CSMD3: variants seen among roughly 807,000 people sequenced by gnomAD.
The protein encoded by CSMD3 is CUB and sushi domain-containing protein 3.
Under a neutral mutation model 435.2 loss-of-function variants are expected in CSMD3, and 177 were observed. The observed-to-expected ratio is 0.41, with a 90% CI of 0.36 to 0.46. CSMD3 has a LOEUF of 0.46. CSMD3 is among the 20% of genes least tolerant of loss of function. CSMD3 has a pLI of 0.34. For synonymous variants in CSMD3, 1,656 were observed against 1,520.5 expected, an observed-to-expected ratio of 1.09 and a Z score of -2.07; for missense variants, 4,265 against 4,504.6, an observed-to-expected ratio of 0.95 and a Z score of 1.52.
At chr8:112,472,536 G>A (rs200638563) in intron 32 of CSMD3, 55 bp downstream of exon 32, 9 of 964,072 alleles carry the variant, frequency 9.3e-6, no homozygotes, top group Admixed American at 3.4e-5. Flanking sequence ...AGCATGTAGT[G>A]AAAAATAAAG....
At chr8:112,807,319 T>G (rs543780301) in intron 12 of CSMD3, among the ~76,000 whole-genome samples, 1 of 152,158 alleles carries the variant, frequency 6.6e-6, no homozygotes. Flanking sequence ...GCAATGACAA[T>G]TTAATAATAT....
At chr8:112,891,453 C>G (rs1424924365) in intron 10 of CSMD3, among the ~76,000 whole-genome samples, 1 of 151,534 alleles carries the variant, frequency 6.6e-6, no homozygotes, top group African/African-American at 2.4e-5. Context: ...ATGAGAAATA[C>G]TTTAACTGGG....
chr8:113,147,219 T>C (rs2091696637), intron 4 of CSMD3, among the ~76,000 whole-genome samples: 1 of 151,730 alleles, frequency 6.6e-6, no homozygotes, highest in Non-Finnish European at 1.5e-5. Flanking sequence ...GGTTGTTAGC[T>C]ATTTTTTTAT....
At chr8:112,600,499 T>C (rs907832243) in intron 22 of CSMD3, among the ~76,000 whole-genome samples, 1 of 152,190 alleles carries the variant, frequency 6.6e-6, no homozygotes, top group Non-Finnish European at 1.5e-5. Context: ...TGTTTCTATA[T>C]AAATATTCCT....
At chr8:112,576,006 C>G (rs1249677254) in intron 23 of CSMD3, among the ~76,000 whole-genome samples, 1 of 152,018 alleles carries the variant, frequency 6.6e-6, no homozygotes, top group Non-Finnish European at 1.5e-5. Flanking sequence ...TTCCCCTTAA[C>G]TTCTCACCAA....
chr8:113,354,163 G>C (rs1237029729), intron 1 of CSMD3, among the ~76,000 whole-genome samples: 2 of 152,142 alleles, frequency 1.3e-5, no homozygotes, highest in Non-Finnish European at 2.9e-5. Context: ...GTCAAAGAGA[G>C]AGAAAGTGTG....
At chr8:112,366,621 C>T (rs1369542734) in intron 38 of CSMD3, among the ~76,000 whole-genome samples, 2 of 152,174 alleles carry the variant, frequency 1.3e-5, no homozygotes, top group Non-Finnish European at 2.9e-5. Context: ...TCGTCTCAAC[C>T]TCCTGACCTC....
intron 35 of CSMD3, among the ~76,000 whole-genome samples, chr8:112,398,224 C>G (rs1831017040): frequency 2.0e-5 from 3 of 152,166 alleles, no homozygotes; most frequent in African/African-American, 7.2e-5. Flanking sequence ...CTCCTAGACT[C>G]ACAGGTTGGA....
intron 35 of CSMD3, among the ~76,000 whole-genome samples, chr8:112,401,788 A>T (rs1247334560): frequency 6.6e-6 from 1 of 152,210 alleles, no homozygotes; most frequent in East Asian, 1.9e-4. Flanking sequence ...AATAGAAGTC[A>T]AACATTCAAG....
intron 4 of CSMD3, among the ~76,000 whole-genome samples, chr8:113,110,821 C>T (rs572943984): frequency 6.6e-6 from 1 of 152,258 alleles, no homozygotes; most frequent in East Asian, 1.9e-4. Context: ...CTGTTTTAGT[C>T]TATTCAAGCT....
intron 10 of CSMD3, among the ~76,000 whole-genome samples, chr8:112,917,742 G>T (rs1447630174): frequency 6.6e-6 from 1 of 151,884 alleles, no homozygotes; most frequent in African/African-American, 2.4e-5. Flanking sequence ...GTGACAATGG[G>T]AATGGAAGTT....
rs1268002637 is a variant in CSMD3, at chr8:113,103,691, CTA to C, written c.710-4730_710-4729del. On this transcript the variant is annotated intron_variant, in intron 4 of 70. Coordinates refer to ENST00000297405, the MANE Select transcript of CSMD3 (RefSeq NM_198123.2). The stretch of plus-strand genomic sequence containing the variant: ...TTGTTTAAAATATTATAATATAAAT[CTA>C]TCATCAAATAACACCATTTATTATA... Among the ~76,000 whole-genome samples, 7 of 151,958 alleles carry C rather than the reference CTA, an allele frequency of 4.6e-5. No homozygotes were observed. The Middle Eastern group carries it at 0.017, about 372-fold the overall frequency.
intron 50 of CSMD3, chr8:112,310,167 A>G (rs932534275): frequency 6.6e-6 from 1 of 152,188 alleles, no homozygotes; most frequent in Non-Finnish European, 1.5e-5. Context: ...CTATGACTAC[A>G]CTTACGTAAG....
intron 23 of CSMD3, among the ~76,000 whole-genome samples, chr8:112,584,134 T>A (rs907762841): frequency 6.6e-6 from 1 of 151,850 alleles, no homozygotes; most frequent in Non-Finnish European, 1.5e-5. Flanking sequence ...AGTAACAGTG[T>A]GCTACCTTGG....
At chr8:112,790,819 T>C (rs1453665739) in intron 13 of CSMD3, among the ~76,000 whole-genome samples, 2 of 152,214 alleles carry the variant, frequency 1.3e-5, no homozygotes, top group African/African-American at 4.8e-5. Flanking sequence ...CTGCTTATAA[T>C]CTTTTTCTTA....
At chr8:112,691,630 AT>A (rs2076139724) in intron 13 of CSMD3, among the ~76,000 whole-genome samples, 1 of 152,064 alleles carries the variant, frequency 6.6e-6, no homozygotes, top group Non-Finnish European at 1.5e-5. Context: ...TTGTTACAAG[AT>A]TTTTTAATAT....
Position 112,287,012 on chromosome 8 carries a change from T to C in CSMD3, c.9331+52A>G, listed in dbSNP as rs936809920. The C allele has an allele frequency of 3.5e-6, 5 of 1,433,414 alleles. No individual in the cohort carries two copies. In the Admixed American group the frequency reaches 6.7e-5, roughly 19 times the overall value. 88.8% of individuals were successfully genotyped at this position (1,433,414 alleles called of 1,614,324 possible). Reference sequence around the variant, plus strand: ...CTAGTAGTACTCATCTGGATTTAGATACACACTAAAATCCAGTAGTTGCAA... The same window carrying C: ...CTAGTAGTACTCATCTGGATTTAGACACACACTAAAATCCAGTAGTTGCAA... On this transcript the variant is annotated intron_variant, in intron 58 of 70. Transcript: ENST00000297405.
At chr8:112,769,092 C>T (rs1180916033) in intron 13 of CSMD3, among the ~76,000 whole-genome samples, 1 of 151,898 alleles carries the variant, frequency 6.6e-6, no homozygotes, top group African/African-American at 2.4e-5. Flanking sequence ...ACATTCTTAG[C>T]TCTTCTGACT....
intron 13 of CSMD3, among the ~76,000 whole-genome samples, chr8:112,739,965 G>T (rs1035345470): frequency 6.6e-5 from 10 of 151,732 alleles, no homozygotes; most frequent in African/African-American, 1.9e-4. Flanking sequence ...TACCACAGGA[G>T]CATAATTAGA....
Sources: gnomAD v4.1 joint callset for allele counts (sites outside exome capture counted in the v4.1 genomes callset) on GRCh38, gnomAD v4.1.1 for gene constraint, MANE v1.5 for transcripts, NCBI Gene and HGNC (gene_info 2026-07-23, HGNC 2026-07-21) for gene names.